NAALADL2: variants seen among roughly 807,000 people sequenced by gnomAD.
NAALADL2 encodes N-acetylated alpha-linked acidic dipeptidase like 2.
A neutral mutation model predicts 87.2 loss-of-function variants in NAALADL2; 76 were observed. The ratio of observed to expected loss-of-function variants is 0.87; its 90% CI spans 0.72 to 1.05. The LOEUF (loss-of-function observed/expected upper bound fraction) is 1.05, where lower values mean the gene tolerates loss of function less well. Among genes scored for constraint, NAALADL2 ranks in the 50% least tolerant of loss-of-function variants. The pLI is 0.00. For synonymous variants in NAALADL2, 354 were observed against 331.0 expected (o/e 1.07, Z -0.75); for missense variants, 1,089 against 945.8 (o/e 1.15, Z -1.99).
chr3:175,296,638 A>ACTT (rs1756421176), intron 4 of NAALADL2, among the ~76,000 whole-genome samples: 5 of 152,188 alleles, frequency 3.3e-5, no homozygotes, highest in African/African-American at 1.2e-4. Context: ...ATTTATGAAG[A>ACTT]GAAATCTATA....
At chr3:174,730,712 T>C (rs1732628146) in intron 2 of NAALADL2, among the ~76,000 whole-genome samples, 1 of 152,050 alleles carries the variant, frequency 6.6e-6, no homozygotes, top group Admixed American at 6.6e-5. Flanking sequence ...GACTCTTCAA[T>C]AGGTTAAATA....
chr3:175,787,663 A>C (rs1560014921), intron 13 of NAALADL2, among the ~76,000 whole-genome samples: 2 of 151,744 alleles, frequency 1.3e-5, no homozygotes, highest in African/African-American at 2.4e-5. Flanking sequence ...TGCAGAAATC[A>C]CCCGTCTTCT....
intron 13 of NAALADL2, among the ~76,000 whole-genome samples, chr3:175,802,134 TACAGTGTGTATTAATTTTCTAAAGTG>T (rs1560032093): frequency 1.5e-5 from 2 of 130,574 alleles, no homozygotes. Context: ...TTGCAAATAT[TACAGTGTGTATTAATTTTCTAAAGTG>T]ATAAGAGCAC....
chr3:175,679,682 C>G (rs976319373), intron 11 of NAALADL2, among the ~76,000 whole-genome samples: 1 of 152,044 alleles, frequency 6.6e-6, no homozygotes, highest in Non-Finnish European at 1.5e-5. Context: ...CCAGTCAATA[C>G]GAAATCTGTT....
intron 4 of NAALADL2, among the ~76,000 whole-genome samples, chr3:175,285,593 G>A (rs1754882294): frequency 6.6e-6 from 1 of 152,050 alleles, no homozygotes; most frequent in African/African-American, 2.4e-5. Flanking sequence ...AAATAATAAT[G>A]TAATTTTCAT....
chr3:175,175,354 C>T (rs1218913921), intron 2 of NAALADL2, among the ~76,000 whole-genome samples: 1 of 151,938 alleles, frequency 6.6e-6, no homozygotes, highest in African/African-American at 2.4e-5. Context: ...CAATTAAATA[C>T]CTATTTTCAG....
At chr3:175,343,117 C>T (rs1161432465) in intron 5 of NAALADL2, among the ~76,000 whole-genome samples, 1 of 151,902 alleles carries the variant, frequency 6.6e-6, no homozygotes, top group Non-Finnish European at 1.5e-5. Context: ...ACTTTCAAAG[C>T]AGTATATGCT....
chr3:175,516,764 CA>C (rs1440037726), intron 9 of NAALADL2, among the ~76,000 whole-genome samples: 2 of 152,182 alleles, frequency 1.3e-5, no homozygotes, highest in Non-Finnish European at 2.9e-5. Flanking sequence ...TTAATGATTT[CA>C]AATATAGCCA....
intron 4 of NAALADL2, among the ~76,000 whole-genome samples, chr3:175,291,683 C>T (rs921857896): frequency 6.6e-6 from 1 of 152,086 alleles, no homozygotes; most frequent in African/African-American, 2.4e-5. Context: ...GGAATGAAGA[C>T]TCCTGAATAT....
At chr3:175,107,201 T>C (rs1403938482) in intron 2 of NAALADL2, among the ~76,000 whole-genome samples, 1 of 152,074 alleles carries the variant, frequency 6.6e-6, no homozygotes, top group African/African-American at 2.4e-5. Context: ...TAGATGTTTC[T>C]GTGAAGGCAT....
At chr3:175,511,193 A>G (rs1380965615) in intron 9 of NAALADL2, among the ~76,000 whole-genome samples, 1 of 152,220 alleles carries the variant, frequency 6.6e-6, no homozygotes, top group African/African-American at 2.4e-5. Flanking sequence ...CAAGCTAATC[A>G]TAATCTAGTC....
intron 13 of NAALADL2, among the ~76,000 whole-genome samples, chr3:175,767,186 A>G (rs972986696): frequency 6.6e-6 from 1 of 152,064 alleles, no homozygotes; most frequent in African/African-American, 2.4e-5. Flanking sequence ...TGCTAAAAAC[A>G]CAAGACTACA....
intron 4 of NAALADL2, among the ~76,000 whole-genome samples, chr3:175,323,943 G>A (rs1174397486): frequency 6.6e-6 from 1 of 150,570 alleles, no homozygotes; most frequent in Non-Finnish European, 1.5e-5. Context: ...GCGTGAACCC[G>A]GGAGGTGGAG....
At chr3:175,430,046 T>A (rs192268031) in intron 5 of NAALADL2, among the ~76,000 whole-genome samples, 132 of 152,020 alleles carry the variant, frequency 8.7e-4, no homozygotes, top group African/African-American at 3.0e-3. Flanking sequence ...ATGTTCTTGT[T>A]TTTATAATAA....
intron 8 of NAALADL2, among the ~76,000 whole-genome samples, chr3:175,469,193 T>G (rs946009975): frequency 6.6e-6 from 1 of 152,084 alleles, no homozygotes; most frequent in African/African-American, 2.4e-5. Context: ...GCCTATAAAA[T>G]GTATTTTTAT....
intron 1 of NAALADL2, among the ~76,000 whole-genome samples, chr3:174,547,139 C>T (rs1015102181): frequency 6.6e-6 from 1 of 152,010 alleles, no homozygotes; most frequent in Admixed American, 6.6e-5. Context: ...TATTTTCTTT[C>T]TATAAGTTTT....
chr3:175,403,033 G>T (rs1156918771), intron 5 of NAALADL2, among the ~76,000 whole-genome samples: 1 of 152,062 alleles, frequency 6.6e-6, no homozygotes, highest in African/African-American at 2.4e-5. Context: ...GCCAGTTTCT[G>T]GTTTGAGCTT....
chr3:174,778,274 A>T (rs889481291), intron 3 of NAALADL2, among the ~76,000 whole-genome samples: 4 of 152,096 alleles, frequency 2.6e-5, no homozygotes, highest in Non-Finnish European at 4.4e-5. Context: ...AAAACTTCTC[A>T]TCATATAATA....
At chr3:175,262,999 CAAAAAAAA>C (rs71626206) in intron 4 of NAALADL2, among the ~76,000 whole-genome samples, 1 of 128,930 alleles carries the variant, frequency 7.8e-6, no homozygotes, top group African/African-American at 2.9e-5. Context: ...GAAGTAATTG[CAAAAAAAA>C]AAAAAACAAA....
Sources: allele counts gnomAD v4.1 joint callset (sites outside exome capture counted in the v4.1 genomes callset), GRCh38; gene constraint gnomAD v4.1.1; transcripts MANE v1.5; gene names NCBI Gene and HGNC (gene_info 2026-07-23, HGNC 2026-07-21).